Variants in FLT1 observed in about 807,000 individuals in gnomAD.
FLT1 encodes the protein fms related receptor tyrosine kinase 1.
Under a neutral mutation model 156.3 loss-of-function variants are expected in FLT1, and 49 were observed. The ratio of observed to expected loss-of-function variants is 0.31; its 90% confidence interval spans 0.25 to 0.40. FLT1 has a LOEUF of 0.40. Among genes scored for constraint, FLT1 ranks in the 10% least tolerant of loss-of-function variants. FLT1 has a pLI of 1.00. For synonymous variants in FLT1, 594 were observed against 583.8 expected, an observed-to-expected ratio of 1.02 and a Z score of -0.25; for missense variants, 1,322 against 1,637.2, an observed-to-expected ratio of 0.81 and a Z score of 3.32.
chr13:28,345,887 G>A (rs1382423899), intron 15 of FLT1: 5 of 251,164 alleles, frequency 2.0e-5, no homozygotes, highest in Non-Finnish European at 2.3e-5. Flanking sequence ...AAAAATTAAG[G>A]CAGGAACAAA....
At chr13:28,453,278 C>G (rs947816417) in intron 3 of FLT1, among the ~76,000 whole-genome samples, 2 of 151,624 alleles carry the variant, frequency 1.3e-5, no homozygotes, top group African/African-American at 2.4e-5. Context: ...CATGTGCCAC[C>G]ACACCGGGCT....
chr13:28,342,335 G>A lies in FLT1; in HGVS notation c.2356-3035C>T, dbSNP rs550732506. ...AGTCTGTCTCAAGCCTTGCTTTCTCGGAAGTTTTTTCTCCCCTTCTCCTCC... is the reference window on the plus strand; with the variant it reads ...AGTCTGTCTCAAGCCTTGCTTTCTCAGAAGTTTTTTCTCCCCTTCTCCTCC... On this transcript the variant is annotated intron_variant, in intron 16 of 29. Coordinates refer to ENST00000282397, the MANE Select transcript of FLT1 (RefSeq NM_002019.4). Among the ~76,000 whole-genome samples, 16 of 152,204 alleles carry A rather than the reference G, an allele frequency of 1.1e-4. No individual in the cohort carries two copies. In the South Asian group the frequency reaches 1.5e-3, roughly 14 times the overall value.
intron 9 of FLT1, 62 bp downstream of exon 9, chr13:28,427,690 C>T (rs1877427848): frequency 2.8e-6 from 4 of 1,430,672 alleles, no homozygotes; most frequent in Non-Finnish European, 3.0e-6. Context: ...TTTTTGAATT[C>T]ATAAATGTTC....
chr13:28,383,155 TG>T (rs1379349157), intron 14 of FLT1, among the ~76,000 whole-genome samples: 1 of 152,140 alleles, frequency 6.6e-6, no homozygotes, highest in Non-Finnish European at 1.5e-5. Context: ...TTATACTTAT[TG>T]GTTTAAGTCT....
chr13:28,345,640 C>A, intron 15 of FLT1, 89 bp from the exon 16 acceptor site: 1 of 835,274 alleles, frequency 1.2e-6, no homozygotes. Flanking sequence ...GCTCAGTTTC[C>A]CTAAATGGTT....
intron 10 of FLT1, among the ~76,000 whole-genome samples, chr13:28,410,733 T>C (rs1192674021): frequency 2.0e-5 from 3 of 152,230 alleles, no homozygotes; most frequent in African/African-American, 4.8e-5. Flanking sequence ...ACATTTTGCC[T>C]CAATTAGTTC....
chr13:28,318,713 T>C (rs182229821), intron 24 of FLT1, among the ~76,000 whole-genome samples: 1 of 152,292 alleles, frequency 6.6e-6, no homozygotes. Context: ...TTTTATTTGC[T>C]GTGAAAGGCA....
intron 12 of FLT1, among the ~76,000 whole-genome samples, chr13:28,395,939 T>A (rs773157201): frequency 6.6e-6 from 1 of 152,196 alleles, no homozygotes; most frequent in Non-Finnish European, 1.5e-5. Flanking sequence ...ACTACGACTA[T>A]GGGTTGAGAC....
intron 27 of FLT1, among the ~76,000 whole-genome samples, chr13:28,309,321 C>T (rs952313130): frequency 1.3e-5 from 2 of 152,198 alleles, no homozygotes; most frequent in African/African-American, 4.8e-5. Flanking sequence ...GGCAAAGTGA[C>T]CTGGCATGGC....
intron 11 of FLT1, among the ~76,000 whole-genome samples, chr13:28,397,749 CGTGTGTGTGTGTGTGTGTGT>C (rs35710786): frequency 8.5e-5 from 11 of 129,798 alleles, no homozygotes; most frequent in African/African-American, 3.1e-4. Flanking sequence ...TGAAGGAGAC[CGTGTGTGTGTGTGTGTGTGT>C]GTGTGTGTGT....
intron 11 of FLT1, 25 bp downstream of exon 11, chr13:28,405,755 C>T (rs1875750224): frequency 2.6e-6 from 3 of 1,170,576 alleles, no homozygotes; most frequent in East Asian, 4.7e-5. Context: ...ATAAATATCC[C>T]AGTGCGCATT....
chr13:28,345,304 C>T, intron 16 of FLT1, 141 bp downstream of exon 16: 1 of 659,592 alleles, frequency 1.5e-6, no homozygotes, highest in Non-Finnish European at 2.7e-6. Flanking sequence ...TATTTTCTTT[C>T]TGTGTTCACC....
At chr13:28,346,007 T>G (rs1872554226) in intron 15 of FLT1, among the ~76,000 whole-genome samples, 1 of 151,386 alleles carries the variant, frequency 6.6e-6, no homozygotes, top group African/African-American at 2.4e-5. Context: ...AGGGCTACTT[T>G]GGGACTCACA....
In FLT1 at chr13:28,302,548, A is replaced by G. The variant is rs1870556601; in HGVS notation, c.*619T>C. The G allele has an allele frequency of 1.3e-5, 3 of 233,218 alleles. No homozygotes were observed. Among genetic ancestry groups the G allele is most frequent in the Non-Finnish European group, 2.5e-5 (3 of 118,126 alleles). 14.4% of individuals were successfully genotyped at this position (233,218 alleles called of 1,614,324 possible). On this transcript the variant is annotated 3_prime_UTR_variant, in exon 30 of 30. Transcript: ENST00000282397. ...CCATCTGCTCCTGGCTGGGCCCTCAAATGTAGAAGGGTCAGAGCTGGGAAG... is the reference window on the plus strand; with the variant it reads ...CCATCTGCTCCTGGCTGGGCCCTCAGATGTAGAAGGGTCAGAGCTGGGAAG...
At chr13:28,474,509 C>CACACACACACACAGACACACAG (rs1880436608) in intron 1 of FLT1, among the ~76,000 whole-genome samples, 2 of 151,820 alleles carry the variant, frequency 1.3e-5, no homozygotes, top group African/African-American at 4.8e-5. Flanking sequence ...CACACACACA[C>CACACACACACACAGACACACAG]ACACACACAC....
At chr13:28,331,811 T>C (rs560074871) in intron 18 of FLT1, among the ~76,000 whole-genome samples, 6 of 152,020 alleles carry the variant, frequency 3.9e-5, no homozygotes, top group African/African-American at 1.4e-4. Flanking sequence ...AGGAATTTTA[T>C]AGAGTGGATG....
chr13:28,390,294 T>A (rs1184150724), intron 12 of FLT1, among the ~76,000 whole-genome samples, 190 bp from the exon 13 acceptor site: 2 of 152,218 alleles, frequency 1.3e-5, no homozygotes. Flanking sequence ...AGAAGTGAGG[T>A]AGGAAATGCA....
chr13:28,483,039 A>C (rs1220745200), intron 1 of FLT1, among the ~76,000 whole-genome samples: 8 of 152,158 alleles, frequency 5.3e-5, no homozygotes, highest in Non-Finnish European at 8.8e-5. Context: ...CAATTACTCT[A>C]TTTCCACACA....
In FLT1 at chr13:28,433,933, T is replaced by G. The variant is rs777764931; in HGVS notation, c.699A>C (p.Gln233His). ...ATTTGACTGGGCGTGGTGTGCTTAT[T>G]TGGACATCTATGATTGTATTGGCTG... Reference protein sequence around the residue: ...HRQTNTIIDVQISTPRPVKLL... With the variant: ...HRQTNTIIDVHISTPRPVKLL... The change falls in exon 6 of 30, where the codon CAA becomes CAC. Residue 233 changes from glutamine (Q) to histidine (H), a missense_variant. Gln to His is a conservative substitution (Grantham distance 24, BLOSUM62 0). Transcript: ENST00000282397. 1.7e-5 allele frequency: 28 copies of G among 1,614,042 alleles called. No individual in the cohort carries two copies. In the East Asian group the frequency reaches 6.0e-4, roughly 35 times the overall value.
Sources: gnomAD v4.1 joint callset for allele counts (sites outside exome capture counted in the v4.1 genomes callset) on GRCh38, gnomAD v4.1.1 for gene constraint, MANE v1.5 for transcripts, NCBI Gene and HGNC (gene_info 2026-07-23, HGNC 2026-07-21) for gene names.